The following KLF12 variants were observed in gnomAD, a reference collection of about 807,000 sequenced individuals.
KLF12 encodes Krueppel-like factor 12.
KLF12 carries 9 observed loss-of-function variants against 37.8 expected under a neutral mutation model. The observed-to-expected ratio is 0.24, with a 90% confidence interval of 0.14 to 0.42. The LOEUF is 0.42. KLF12 is among the 10% of genes least tolerant of loss of function. KLF12 has a pLI of 1.00. For missense variants in KLF12, 411 were observed against 516.0 expected (o/e 0.80, Z 1.97); for synonymous variants, 208 against 202.1 (o/e 1.03, Z -0.25).
chr13:73,913,269 T>C (rs182285056), intron 3 of KLF12, among the ~76,000 whole-genome samples: 3 of 152,338 alleles, frequency 2.0e-5, no homozygotes, highest in Admixed American at 6.5e-5. Flanking sequence ...AGTCATCAGT[T>C]TGGTAGTCAG....
At chr13:74,193,135 C>T in the KLF12 span, among the ~76,000 whole-genome samples, 19 of 152,064 alleles carry the variant, frequency 1.2e-4, no homozygotes, top group African/African-American at 2.4e-4. Context: ...CCTGCTACCA[C>T]GCCCAGCTAA....
chr13:73,738,124 T>TATATATATATATAC (rs1305200790), intron 6 of KLF12, among the ~76,000 whole-genome samples: 1 of 81,932 alleles, frequency 1.2e-5, no homozygotes, highest in South Asian at 3.7e-4. Context: ...TATATATATA[T>TATATATATATATAC]ACACACACAC....
At chr13:73,775,169 C>T (rs924458785) in intron 5 of KLF12, among the ~76,000 whole-genome samples, 2 of 152,114 alleles carry the variant, frequency 1.3e-5, no homozygotes, top group Non-Finnish European at 2.9e-5. Context: ...CCACCCACCT[C>T]GGCCTCCCAA....
intron 1 of KLF12, among the ~76,000 whole-genome samples, chr13:74,054,636 C>T (rs1873136687): frequency 6.6e-6 from 1 of 152,166 alleles, no homozygotes; most frequent in African/African-American, 2.4e-5. Flanking sequence ...GAATCCAGGG[C>T]CATTCTCACA....
chr13:74,251,309 A>G, the KLF12 span, among the ~76,000 whole-genome samples: 1 of 151,640 alleles, frequency 6.6e-6, no homozygotes, highest in South Asian at 2.1e-4. Flanking sequence ...GCATCCTGCT[A>G]ATTTTTTTTT....
At chr13:74,225,191 A>T in the KLF12 span, among the ~76,000 whole-genome samples, 1 of 152,152 alleles carries the variant, frequency 6.6e-6, no homozygotes, top group Non-Finnish European at 1.5e-5. Context: ...AACATGGATT[A>T]TGTATGTAGC....
chr13:74,134,452 G>A (rs1299198224), upstream of KLF12, among the ~76,000 whole-genome samples: 7 of 152,006 alleles, frequency 4.6e-5, no homozygotes, highest in African/African-American at 1.7e-4. Context: ...CGCTCGCAGA[G>A]GTAGAAGGCA....
chr13:74,073,077 T>G lies in KLF12; in HGVS notation c.-32+60662A>C, dbSNP rs1375302767. ...CCCCTGCAGATGCTCTCCTGCCTGC[T>G]GCCACGTTAAGACGTGTCTTTGCTC... is the stretch of plus-strand genomic sequence containing the variant. On this transcript the variant is annotated intron_variant, in intron 1 of 7. Coordinates refer to ENST00000377669, the MANE Select transcript of KLF12 (RefSeq NM_007249.5). Among the ~76,000 whole-genome samples, 3 of 152,350 alleles carry G rather than the reference T, an allele frequency of 2.0e-5. No individual in the cohort carries two copies. In the East Asian group the frequency reaches 5.8e-4, roughly 29 times the overall value.
At chr13:73,722,032 C>A (rs1403961275) in intron 6 of KLF12, among the ~76,000 whole-genome samples, 1 of 151,948 alleles carries the variant, frequency 6.6e-6, no homozygotes, top group African/African-American at 2.4e-5. Context: ...GTTGGTTGCA[C>A]GATAGAATTA....
chr13:74,254,419 T>C, the KLF12 span, among the ~76,000 whole-genome samples: 1 of 152,240 alleles, frequency 6.6e-6, no homozygotes, highest in South Asian at 2.1e-4. Flanking sequence ...AGTTATGGTC[T>C]GTGATGTGGC....
At chr13:73,949,942 A>G (rs1890582592) in intron 2 of KLF12, among the ~76,000 whole-genome samples, 1 of 140,166 alleles carries the variant, frequency 7.1e-6, no homozygotes, top group South Asian at 2.4e-4. Flanking sequence ...GGGACTCTCA[A>G]CTAAAATCCC....
At chr13:73,745,336 G>A (rs1400611705) in intron 6 of KLF12, among the ~76,000 whole-genome samples, 1 of 152,182 alleles carries the variant, frequency 6.6e-6, no homozygotes, top group African/African-American at 2.4e-5. Flanking sequence ...AGCTCACTAT[G>A]AATGGAGTTG....
chr13:74,007,537 T>A (rs1450960035), intron 1 of KLF12, among the ~76,000 whole-genome samples: 3 of 151,958 alleles, frequency 2.0e-5, no homozygotes, highest in Non-Finnish European at 4.4e-5. Context: ...GGCCTCCCAG[T>A]GTGCTGGGAT....
intron 1 of KLF12, among the ~76,000 whole-genome samples, chr13:74,079,794 G>C (rs530717184): frequency 6.6e-6 from 1 of 152,270 alleles, no homozygotes; most frequent in East Asian, 1.9e-4. Context: ...TTATAAAATG[G>C]TACAACTGCT....
Position 73,755,515 on chromosome 13 carries a change from T to C in KLF12, c.869+9423A>G, listed in dbSNP as rs1489586416. Reference sequence around the variant, plus strand: ...AATTATAGCCTTGTTTACCCAATGCTGGGCATGTCAATGAATGTCCTAGGT... The same window carrying C: ...AATTATAGCCTTGTTTACCCAATGCCGGGCATGTCAATGAATGTCCTAGGT... On this transcript the variant is annotated intron_variant, in intron 6 of 7. Transcript: ENST00000377669. Among the ~76,000 whole-genome samples, 3 of 152,316 alleles carry C rather than the reference T, an allele frequency of 2.0e-5. No individual in the cohort carries two copies. In the East Asian group the frequency reaches 5.8e-4, roughly 29 times the overall value.
chr13:73,952,337 G>A (rs759753667), intron 2 of KLF12, among the ~76,000 whole-genome samples: 19 of 152,302 alleles, frequency 1.2e-4, no homozygotes, highest in Admixed American at 2.0e-4. Flanking sequence ...AGGCGAAGAG[G>A]AAGGAGGCAC....
chr13:73,883,054 G>A (rs1887056008), intron 3 of KLF12, among the ~76,000 whole-genome samples: 1 of 152,064 alleles, frequency 6.6e-6, no homozygotes, highest in Non-Finnish European at 1.5e-5. Context: ...TTGTGAGGAG[G>A]ACTGCTAAAT....
chr13:74,211,455 A>C, the KLF12 span, among the ~76,000 whole-genome samples: 1 of 152,190 alleles, frequency 6.6e-6, no homozygotes, highest in African/African-American at 2.4e-5. Flanking sequence ...GAGCATTCTA[A>C]GTGGACGAAC....
chr13:74,232,190 T>C, the KLF12 span, among the ~76,000 whole-genome samples: 2 of 152,224 alleles, frequency 1.3e-5, no homozygotes, highest in Admixed American at 1.3e-4. Flanking sequence ...AATTTCATTA[T>C]GTGCTTCCTA....
Sources: allele counts gnomAD v4.1 joint callset (sites outside exome capture counted in the v4.1 genomes callset), GRCh38; gene constraint gnomAD v4.1.1; transcripts MANE v1.5; gene names NCBI Gene and HGNC (gene_info 2026-07-23, HGNC 2026-07-21).